Variants in FSTL5 observed in about 807,000 individuals in gnomAD.
FSTL5 encodes the protein follistatin-related protein 5.
A neutral mutation model predicts 89.1 loss-of-function variants in FSTL5; 62 were observed. The observed-to-expected ratio is 0.70, with a 90% confidence interval of 0.57 to 0.86. FSTL5 has a LOEUF of 0.86. FSTL5 is among the 40% of genes least tolerant of loss of function. The pLI is 0.00. For missense variants in FSTL5, 1,057 were observed against 1,001.6 expected (o/e 1.06, Z -0.75); for synonymous variants, 383 against 346.2 (o/e 1.11, Z -1.18).
chr4:161,898,759 A>G (rs571993015), intron 4 of FSTL5, among the ~76,000 whole-genome samples: 1 of 151,364 alleles, frequency 6.6e-6, no homozygotes, highest in South Asian at 2.1e-4. Flanking sequence ...TCTCCCTAGT[A>G]GATGGGACTA....
intron 4 of FSTL5, among the ~76,000 whole-genome samples, chr4:161,828,680 T>C (rs754101740): frequency 4.6e-5 from 7 of 152,192 alleles, no homozygotes; most frequent in Non-Finnish European, 1.0e-4. Flanking sequence ...GATTGAGTCA[T>C]ATATCATTAA....
chr4:161,775,449 A>G (rs1741373883), intron 5 of FSTL5, among the ~76,000 whole-genome samples: 1 of 152,178 alleles, frequency 6.6e-6, no homozygotes, highest in African/African-American at 2.4e-5. Flanking sequence ...ATTCAACACT[A>G]TCTTAAATCA....
intron 12 of FSTL5, among the ~76,000 whole-genome samples, chr4:161,496,370 CT>C (rs1239424278): frequency 1.3e-5 from 2 of 152,084 alleles, no homozygotes; most frequent in East Asian, 3.8e-4. Flanking sequence ...CTAGATTTTG[CT>C]GTGAAGATGC....
At chr4:161,903,250 A>G (rs1054094044) in intron 4 of FSTL5, among the ~76,000 whole-genome samples, 1 of 152,238 alleles carries the variant, frequency 6.6e-6, no homozygotes, top group East Asian at 1.9e-4. Context: ...TTTAAAAGAC[A>G]CTATCGATGT....
chr4:161,811,665 A>G (rs1020972602), intron 4 of FSTL5, among the ~76,000 whole-genome samples: 5 of 152,234 alleles, frequency 3.3e-5, no homozygotes, highest in African/African-American at 1.2e-4. Flanking sequence ...AATAAAAAAT[A>G]TGTAATTAAT....
intron 8 of FSTL5, among the ~76,000 whole-genome samples, chr4:161,572,619 A>C (rs1477948148): frequency 6.6e-6 from 1 of 152,190 alleles, no homozygotes; most frequent in Non-Finnish European, 1.5e-5. Context: ...ATACTATAGC[A>C]ATATAAACTT....
intron 2 of FSTL5, among the ~76,000 whole-genome samples, chr4:162,085,288 T>A (rs1260915185): frequency 6.6e-6 from 1 of 152,210 alleles, no homozygotes; most frequent in East Asian, 1.9e-4. Flanking sequence ...TACTGTTGTA[T>A]ACTTATAAAA....
At chr4:161,956,770 T>G (rs1735038326) in intron 3 of FSTL5, among the ~76,000 whole-genome samples, 1 of 151,980 alleles carries the variant, frequency 6.6e-6, no homozygotes, top group South Asian at 2.1e-4. Context: ...AAACTGATGT[T>G]TGACCTAACA....
intron 7 of FSTL5, among the ~76,000 whole-genome samples, chr4:161,632,302 C>T (rs1409659884): frequency 6.6e-6 from 1 of 152,100 alleles, no homozygotes; most frequent in East Asian, 1.9e-4. Context: ...ATCTCTTGAA[C>T]CCGGGTGGCA....
intron 2 of FSTL5, among the ~76,000 whole-genome samples, chr4:162,035,634 G>A (rs1163837779): frequency 1.3e-5 from 2 of 152,010 alleles, no homozygotes; most frequent in Admixed American, 1.3e-4. Flanking sequence ...TTTTTACTCT[G>A]ACATAGCTGA....
intron 15 of FSTL5, among the ~76,000 whole-genome samples, chr4:161,408,139 C>T (rs2110926934): frequency 6.6e-6 from 1 of 152,250 alleles, no homozygotes; most frequent in South Asian, 2.1e-4. Context: ...GTGGCTTTCC[C>T]AAGGCCCATG....
intron 7 of FSTL5, among the ~76,000 whole-genome samples, chr4:161,590,517 T>A (rs891020088): frequency 1.3e-5 from 2 of 152,072 alleles, no homozygotes; most frequent in Admixed American, 6.6e-5. Flanking sequence ...CCAGCCTGGG[T>A]GACAGAGTGA....
chr4:161,574,712 A>G (rs1469282379), intron 8 of FSTL5, among the ~76,000 whole-genome samples: 1 of 152,032 alleles, frequency 6.6e-6, no homozygotes, highest in Non-Finnish European at 1.5e-5. Context: ...TTACAGCTGC[A>G]TAGTATTCCA....
intron 15 of FSTL5, among the ~76,000 whole-genome samples, chr4:161,442,529 C>T (rs962990753): frequency 3.3e-5 from 5 of 151,934 alleles, no homozygotes; most frequent in Non-Finnish European, 5.9e-5. Flanking sequence ...AAGGCCATGG[C>T]GAAGTTTTCA....
At chr4:161,781,415 C>G (rs536815694) in intron 4 of FSTL5, among the ~76,000 whole-genome samples, 1 of 151,900 alleles carries the variant, frequency 6.6e-6, no homozygotes, top group South Asian at 2.1e-4. Context: ...GTTTTTTGAA[C>G]TTTACTTAAG....
chr4:162,081,163 T>C (rs543341259), intron 2 of FSTL5, among the ~76,000 whole-genome samples: 1 of 151,722 alleles, frequency 6.6e-6, no homozygotes, highest in Admixed American at 6.6e-5. Flanking sequence ...CTTCATGTAA[T>C]ACCAATCTCT....
rs540559925 is a variant in FSTL5 at position 161,427,787 on chromosome 4, A to G, written c.1841+27217T>C. Among the ~76,000 whole-genome samples the G allele has an allele frequency of 1.8e-4, 28 of 152,286 alleles. No individual in the cohort carries two copies. In the South Asian group the frequency reaches 5.8e-3, roughly 32 times the overall value. ...TGACAAATGGTACACAGAAACAACAAATTATTTTTAATCAAGAAGTTGAGG... is the reference window on the plus strand; with the variant it reads ...TGACAAATGGTACACAGAAACAACAGATTATTTTTAATCAAGAAGTTGAGG... On this transcript the variant is annotated intron_variant, in intron 15 of 15. Transcript: ENST00000306100.
chr4:161,508,242 A>G (rs17041132), intron 11 of FSTL5, among the ~76,000 whole-genome samples: 5,556 of 152,190 alleles, frequency 0.037, 349 homozygotes, highest in African/African-American at 0.12. Flanking sequence ...TGCCTTGCCA[A>G]TAATTGTGGC....
At position 161,386,243 on chromosome 4, in the gene FSTL5, G is replaced by A. The variant is rs1016322607; in HGVS notation, c.2048C>T (p.Thr683Ile). 3.1e-6 allele frequency: 5 copies of A among 1,613,978 alleles called. No homozygotes were observed. The highest frequency in any genetic ancestry group is 2.2e-5 in the South Asian group (2 of 91,082). Residue 683 changes from threonine to isoleucine, a missense_variant, in exon 16 of 16, where the codon ACT becomes ATT. Thr to Ile is a moderately conservative substitution (Grantham distance 89). Transcript: ENST00000306100. ...VSPQVMVDGV[T>I]DSVIGFNSDV... ...ACTATTGAACCCAATGACTGAGTCA[G>A]TTACACCGTCCACCATGACCTGTGG...
Sources: gnomAD v4.1 joint callset for allele counts (sites outside exome capture counted in the v4.1 genomes callset) on GRCh38, gnomAD v4.1.1 for gene constraint, MANE v1.5 for transcripts, NCBI Gene and HGNC (gene_info 2026-07-23, HGNC 2026-07-21) for gene names.